Variants in AAMDC observed in about 807,000 individuals in gnomAD.
The protein encoded by AAMDC is adipogenesis associated Mth938 domain containing.
In AAMDC, 16 loss-of-function variants were observed where a neutral mutation model predicts 15.5. The ratio of observed to expected loss-of-function variants is 1.03; its 90% CI spans 0.70 to 1.57. The LOEUF (loss-of-function observed/expected upper bound fraction) is 1.57. AAMDC is among the 40% of genes most tolerant of loss of function. The pLI is 0.00. For synonymous variants in AAMDC, 51 were observed against 51.6 expected, an observed-to-expected ratio of 0.99 and a Z score of 0.05; for missense variants, 141 against 144.9, an observed-to-expected ratio of 0.97 and a Z score of 0.14.
At chr11:77,848,761 T>A (rs1199387152) in intron 2 of AAMDC, among the ~76,000 whole-genome samples, 1 of 152,056 alleles carries the variant, frequency 6.6e-6, no homozygotes, top group Non-Finnish European at 1.5e-5. Context: ...CAGGTCAGAT[T>A]GTAACTTGCT....
At chr11:77,846,477 C>T (rs573901377) in intron 2 of AAMDC, among the ~76,000 whole-genome samples, 1 of 152,276 alleles carries the variant, frequency 6.6e-6, no homozygotes, top group Admixed American at 6.5e-5. Context: ...GAGGCTGAGG[C>T]AGGCGGATCA....
chr11:77,864,453 T>C (rs1241044859), intron 2 of AAMDC, among the ~76,000 whole-genome samples: 1 of 151,120 alleles, frequency 6.6e-6, no homozygotes, highest in Middle Eastern at 3.2e-3. Context: ...AAATAAAAAA[T>C]AAAAAAAAGA....
chr11:77,868,139 T>G (rs1430828128), intron 2 of AAMDC, among the ~76,000 whole-genome samples: 1 of 149,488 alleles, frequency 6.7e-6, no homozygotes, highest in East Asian at 2.0e-4. Context: ...CACTGCAAGC[T>G]CTGCCTCCCA....
intron 1 of AAMDC, among the ~76,000 whole-genome samples, chr11:77,824,158 C>A (rs1412465503): frequency 2.0e-5 from 3 of 152,176 alleles, no homozygotes; most frequent in African/African-American, 7.2e-5. Flanking sequence ...ATGACACACA[C>A]CCATAATGCT....
intron 5 of AAMDC, chr11:77,891,840 C>T (rs1375473942): frequency 1.2e-6 from 2 of 1,610,840 alleles, no homozygotes; most frequent in Admixed American, 1.7e-5. Context: ...CGATGAAATA[C>T]CTGGAGGAAC....
intron 1 of AAMDC, among the ~76,000 whole-genome samples, chr11:77,834,659 T>C (rs1000404596): frequency 4.6e-5 from 7 of 152,022 alleles, no homozygotes; most frequent in African/African-American, 1.7e-4. Context: ...AGGTGATCCA[T>C]CCACCTTGGC....
At chr11:77,835,138 G>C (rs1319782284) in intron 1 of AAMDC, among the ~76,000 whole-genome samples, 1 of 152,166 alleles carries the variant, frequency 6.6e-6, no homozygotes, top group Non-Finnish European at 1.5e-5. Context: ...TTGCAATTGA[G>C]TGTGACCACA....
intron 2 of AAMDC, among the ~76,000 whole-genome samples, chr11:77,866,113 A>C (rs1050935320): frequency 6.6e-6 from 1 of 152,252 alleles, no homozygotes; most frequent in Non-Finnish European, 1.5e-5. Context: ...TAATTTTGGC[A>C]GAAGGAAATA....
At chr11:77,871,489 C>T (rs901016451) in intron 3 of AAMDC, among the ~76,000 whole-genome samples, 2 of 152,140 alleles carry the variant, frequency 1.3e-5, no homozygotes, top group Non-Finnish European at 2.9e-5. Flanking sequence ...ATAATAAACG[C>T]AGTGAGGAAA....
chr11:77,856,030 G>GA (rs1282366762), intron 2 of AAMDC, among the ~76,000 whole-genome samples: 3 of 152,102 alleles, frequency 2.0e-5, no homozygotes, highest in Non-Finnish European at 4.4e-5. Context: ...GAGGTAGGGG[G>GA]ATTCCTTGAG....
downstream of AAMDC, among the ~76,000 whole-genome samples, chr11:77,904,036 T>C (rs1952863713): frequency 6.6e-6 from 1 of 152,240 alleles, no homozygotes; most frequent in African/African-American, 2.4e-5. Flanking sequence ...GCTCATTATG[T>C]TGTAAGCCCC....
At chr11:77,900,717 C>G, downstream of AAMDC, 2 of 659,696 alleles carry the variant, frequency 3.0e-6, no homozygotes, top group South Asian at 3.3e-5. Context: ...GGGACACCAT[C>G]AAAATATCTG....
downstream of AAMDC, among the ~76,000 whole-genome samples, chr11:77,903,244 T>G (rs1952832999): frequency 6.6e-6 from 1 of 152,250 alleles, no homozygotes; most frequent in Non-Finnish European, 1.5e-5. Flanking sequence ...TGTCATAGCC[T>G]GAAATTAGGG....
At chr11:77,868,086 C>T (rs1192837050) in intron 2 of AAMDC, among the ~76,000 whole-genome samples, 6 of 142,668 alleles carry the variant, frequency 4.2e-5, no homozygotes, top group African/African-American at 1.3e-4. Context: ...GACAGAGTCT[C>T]GTTCTATCGC....
At chr11:77,905,113 T>C (rs1260270465), downstream of AAMDC, among the ~76,000 whole-genome samples, 2 of 152,140 alleles carry the variant, frequency 1.3e-5, no homozygotes, top group East Asian at 3.9e-4. Flanking sequence ...CTGCCCTCAA[T>C]GTTGGCGGGC....
At chr11:77,887,657 G>T (rs943855123) in intron 5 of AAMDC, among the ~76,000 whole-genome samples, 1 of 152,126 alleles carries the variant, frequency 6.6e-6, no homozygotes, top group African/African-American at 2.4e-5. Context: ...TGACATGATT[G>T]TATATCTAGA....
At chr11:77,889,652 T>G (rs868625916) in intron 5 of AAMDC, among the ~76,000 whole-genome samples, 35 of 152,352 alleles carry the variant, frequency 2.3e-4, no homozygotes, top group African/African-American at 7.2e-4. Context: ...GTGTCATCTC[T>G]GAGGCATGTT....
intron 2 of AAMDC, among the ~76,000 whole-genome samples, chr11:77,861,397 G>T (rs1950870166): frequency 6.6e-6 from 1 of 152,222 alleles, no homozygotes; most frequent in African/African-American, 2.4e-5. Flanking sequence ...AGTTGTCCAG[G>T]ACAGGAGAGT....
At chr11:77,823,913 T>C (rs1327536753) in intron 1 of AAMDC, among the ~76,000 whole-genome samples, 1 of 151,258 alleles carries the variant, frequency 6.6e-6, no homozygotes, top group African/African-American at 2.4e-5. Flanking sequence ...TGAAATAACA[T>C]TCTAAAAAAA....
Sources: allele counts gnomAD v4.1 joint callset (sites outside exome capture counted in the v4.1 genomes callset), GRCh38; gene constraint gnomAD v4.1.1; transcripts MANE v1.5; gene names NCBI Gene and HGNC (gene_info 2026-07-23, HGNC 2026-07-21).